The following INTS15 variants were observed in gnomAD, a reference collection of about 807,000 sequenced individuals.
The protein encoded by INTS15 is uncharacterized protein C7orf26.
At chr7:6,606,125 C>CCTCTGCAGTA in the INTS15 span, among the ~76,000 whole-genome samples, 4 of 152,214 alleles carry the variant, frequency 2.6e-5, no homozygotes, top group East Asian at 1.9e-4. Context: ...CGAAATTTGG[C>CCTCTGCAGTA]CTCTGCAGTA....
the INTS15 span, among the ~76,000 whole-genome samples, chr7:6,598,084 G>A: frequency 6.6e-6 from 1 of 152,180 alleles, no homozygotes; most frequent in African/African-American, 2.4e-5. Context: ...TGGTAGAGAT[G>A]CGTCAGCTCA....
chr7:6,600,014 AG>A, the INTS15 span: 1 of 1,614,168 alleles, frequency 6.2e-7, no homozygotes, highest in Non-Finnish European at 8.5e-7. Flanking sequence ...GGCTTATAAA[AG>A]GAAAAAGAAG....
the INTS15 span, among the ~76,000 whole-genome samples, chr7:6,603,723 C>T: frequency 2.0e-5 from 3 of 152,114 alleles, no homozygotes; most frequent in African/African-American, 7.2e-5. Flanking sequence ...CCTGTAATCC[C>T]AGCTACTTGG....
chr7:6,595,442 G>A, the INTS15 span, among the ~76,000 whole-genome samples: 1 of 152,190 alleles, frequency 6.6e-6, no homozygotes, highest in Non-Finnish European at 1.5e-5. Flanking sequence ...GGCATTACAG[G>A]TGTGAGCCAT....
At chr7:6,591,560 A>G in the INTS15 span, 47 of 1,212,674 alleles carry the variant, frequency 3.9e-5, no homozygotes, top group South Asian at 5.8e-4. Flanking sequence ...CACCGCGCCC[A>G]GTCTATTTCC....
At chr7:6,599,326 G>A in the INTS15 span, among the ~76,000 whole-genome samples, 1 of 152,040 alleles carries the variant, frequency 6.6e-6, no homozygotes, top group South Asian at 2.1e-4. Context: ...TTAGATGAGG[G>A]TTCCAAGTTT....
At chr7:6,594,001 C>CAT in the INTS15 span, among the ~76,000 whole-genome samples, 1 of 68,938 alleles carries the variant, frequency 1.5e-5, no homozygotes, top group Non-Finnish European at 2.5e-5. Flanking sequence ...AAGCCTTTAA[C>CAT]TTTTTTTTTT....
At chr7:6,592,833 C>T in the INTS15 span, among the ~76,000 whole-genome samples, 1 of 152,074 alleles carries the variant, frequency 6.6e-6, no homozygotes, top group Non-Finnish European at 1.5e-5. Flanking sequence ...TGGTCACGAA[C>T]TCCTGAGGTC....
chr7:6,592,770 G>A, the INTS15 span, among the ~76,000 whole-genome samples: 1 of 151,682 alleles, frequency 6.6e-6, no homozygotes, highest in African/African-American at 2.4e-5. Flanking sequence ...CACCATGCCT[G>A]GTTAGTTTTT....
At chr7:6,600,280 G>T in the INTS15 span, 1 of 1,614,216 alleles carries the variant, frequency 6.2e-7, no homozygotes. Context: ...CCTCCCAGGA[G>T]ATTGAGCTCT....
At chr7:6,597,101 C>G in the INTS15 span, among the ~76,000 whole-genome samples, 51 of 152,300 alleles carry the variant, frequency 3.3e-4, no homozygotes, top group African/African-American at 1.2e-3. Context: ...TCATACTCTT[C>G]TTTTCCTAGC....
At chr7:6,592,285 G>C in the INTS15 span, among the ~76,000 whole-genome samples, 1 of 151,590 alleles carries the variant, frequency 6.6e-6, no homozygotes, top group Non-Finnish European at 1.5e-5. Context: ...ATTTTTTTTG[G>C]CCATGCTTAG....
At chr7:6,590,583 C>G in the INTS15 span, 1 of 1,390,484 alleles carries the variant, frequency 7.2e-7, no homozygotes, top group Non-Finnish European at 9.3e-7. Flanking sequence ...GTCCAGGATC[C>G]CCGCGCTCGC....
the INTS15 span, among the ~76,000 whole-genome samples, chr7:6,592,946 G>A: frequency 5.1e-4 from 77 of 152,234 alleles, no homozygotes; most frequent in Non-Finnish European, 9.4e-4. Context: ...AGCAAGTACT[G>A]CTGTAAACAC....
the INTS15 span, among the ~76,000 whole-genome samples, chr7:6,600,956 A>G: frequency 6.7e-6 from 1 of 149,526 alleles, no homozygotes; most frequent in Non-Finnish European, 1.5e-5. Flanking sequence ...GTCCTTTTTT[A>G]TTTTTATTTC....
the INTS15 span, chr7:6,607,647 G>A: frequency 9.4e-5 from 140 of 1,485,464 alleles, no homozygotes; most frequent in Non-Finnish European, 1.2e-4. The surrounding 1 kb of genome is among the most constrained non-coding windows in gnomAD (Gnocchi z 6.0). Context: ...CAGCTGTTCT[G>A]TGTGTCCCAG....
At chr7:6,605,977 G>A in the INTS15 span, among the ~76,000 whole-genome samples, 1 of 151,812 alleles carries the variant, frequency 6.6e-6, no homozygotes, top group Non-Finnish European at 1.5e-5. Flanking sequence ...GGGATTACAG[G>A]TGTGAGCCAC....
At chr7:6,591,629 C>T in the INTS15 span, 11 of 1,607,528 alleles carry the variant, frequency 6.8e-6, no homozygotes, top group South Asian at 6.6e-5. Context: ...AACGCTTTTC[C>T]GGGATTTCTT....
the INTS15 span, among the ~76,000 whole-genome samples, chr7:6,593,903 G>A: frequency 2.7e-4 from 41 of 151,998 alleles, no homozygotes; most frequent in African/African-American, 6.0e-4. Flanking sequence ...CTCCCGCCTC[G>A]GCCTCCCAAA....
Sources: gnomAD v4.1 joint callset for allele counts (sites outside exome capture counted in the v4.1 genomes callset) on GRCh38, gnomAD v4.1.1 for gene constraint, Gnocchi (gnomAD v3.1) non-coding constraint, MANE v1.5 for transcripts, NCBI Gene and HGNC (gene_info 2026-07-23, HGNC 2026-07-21) for gene names.